Variants in GMDS observed in about 807,000 individuals in gnomAD.
The protein encoded by GMDS is GDP-mannose 4,6 dehydratase.
In GMDS, 20 loss-of-function variants were observed where a neutral mutation model predicts 49.9. That is an observed-to-expected ratio of 0.40 (90% confidence interval 0.28 to 0.58). The LOEUF (loss-of-function observed/expected upper bound fraction) is 0.58. Ranked by LOEUF, GMDS falls within the 20% of genes least tolerant of loss-of-function variation. The probability of loss-of-function intolerance (pLI) is 0.42; values close to 1 mark genes in which losing one functional copy is unlikely to be tolerated. For missense variants in GMDS, 362 were observed against 481.4 expected (o/e 0.75, Z 2.32); for synonymous variants, 177 against 178.6 (o/e 0.99, Z 0.07).
intron 7 of GMDS, among the ~76,000 whole-genome samples, chr6:1,869,931 G>A (rs1186035457): frequency 6.6e-6 from 1 of 152,234 alleles, no homozygotes; most frequent in Non-Finnish European, 1.5e-5. Flanking sequence ...AGCCCTGCAT[G>A]CCTGGAGGGG....
At chr6:1,922,827 G>A (rs888459433) in intron 7 of GMDS, among the ~76,000 whole-genome samples, 3 of 152,118 alleles carry the variant, frequency 2.0e-5, no homozygotes, top group African/African-American at 2.4e-5. Flanking sequence ...AGCCATTTCC[G>A]TTGCTAAATA....
chr6:1,933,138 G>C (rs532239929), intron 6 of GMDS, among the ~76,000 whole-genome samples: 26 of 152,228 alleles, frequency 1.7e-4, no homozygotes, highest in African/African-American at 6.3e-4. Context: ...ATTAATGTCT[G>C]GTCTTTGTTT....
intron 9 of GMDS, among the ~76,000 whole-genome samples, chr6:1,683,911 G>A: frequency 6.6e-6 from 1 of 151,880 alleles, no homozygotes; most frequent in East Asian, 1.9e-4. Context: ...GGTGGGTTTT[G>A]CGATCGGTAG....
At chr6:1,879,011 A>G (rs144495701) in intron 7 of GMDS, among the ~76,000 whole-genome samples, 102 of 152,278 alleles carry the variant, frequency 6.7e-4, no homozygotes, top group African/African-American at 2.4e-3. Context: ...TGCTGTATTC[A>G]TCCTGTTGTC....
At position 1,681,769 on chromosome 6, in the gene GMDS, A is replaced by C. The variant is rs148151738; in HGVS notation, c.987+44647T>G. ...GAGTGCAGTGGCACGATCACAGCTCACTGCAGTTTTGACCTCCCTGCACGC... is the reference window on the plus strand; with the variant it reads ...GAGTGCAGTGGCACGATCACAGCTCCCTGCAGTTTTGACCTCCCTGCACGC... On this transcript the variant is annotated intron_variant, in intron 9 of 10. Coordinates refer to ENST00000380815, the MANE Select transcript of GMDS (RefSeq NM_001500.4). Among the ~76,000 whole-genome samples, 4 of 152,370 alleles carry C rather than the reference A, an allele frequency of 2.6e-5. No individual in the cohort carries two copies. The East Asian group carries it at 7.7e-4, about 29-fold the overall frequency.
rs758681839 is a variant in GMDS at position 1,624,454 on chromosome 6, GC to G, written c.1056+17del. 2.5e-6 allele frequency: 4 copies of G among 1,607,508 alleles called. No individual in the cohort carries two copies. The highest frequency in any genetic ancestry group is 2.7e-5 in the African/African-American group (2 of 74,792). ...CGGGGCCCCGCAGCGGGCGGCGTGC[GC>G]CCTAAGAGATACTCACATCGAAAGC... is the stretch of plus-strand genomic sequence containing the variant. On this transcript the variant is annotated intron_variant, in intron 10 of 10. Transcript: ENST00000380815.
At chr6:2,221,378 T>A (rs1482823321) in intron 1 of GMDS, among the ~76,000 whole-genome samples, 2 of 151,444 alleles carry the variant, frequency 1.3e-5, no homozygotes, top group Non-Finnish European at 1.5e-5. Context: ...TAGTGTCATC[T>A]AAAATGTTCT....
chr6:2,065,647 G>A (rs568624510), intron 4 of GMDS, among the ~76,000 whole-genome samples: 47 of 151,938 alleles, frequency 3.1e-4, no homozygotes, highest in East Asian at 2.1e-3. Flanking sequence ...GAGCTGATGC[G>A]ATCAACTGGA....
rs140387969 is a variant in GMDS at position 2,088,161 on chromosome 6, T to C, written c.345+27610A>G. 4.9e-3 allele frequency among the ~76,000 whole-genome samples: 739 copies of C among 152,188 alleles called. 9 individuals are homozygous for C. The highest frequency in any genetic ancestry group is 0.017 in the African/African-American group (701 of 41,516). ...ACAGATTTTACAAACAAGAATGTTA[T>C]GGAAGAAAACAGTCAGTGTTTTGCT... On this transcript the variant is annotated intron_variant, in intron 4 of 10. Coordinates refer to ENST00000380815, the MANE Select transcript of GMDS (RefSeq NM_001500.4).
At chr6:1,821,362 G>A (rs1020016352) in intron 7 of GMDS, among the ~76,000 whole-genome samples, 8 of 152,090 alleles carry the variant, frequency 5.3e-5, no homozygotes, top group South Asian at 2.1e-4. Flanking sequence ...CAGGGGAGCC[G>A]CGGCTGGTGG....
At chr6:2,200,012 A>T (rs1308726750) in intron 1 of GMDS, among the ~76,000 whole-genome samples, 1 of 152,244 alleles carries the variant, frequency 6.6e-6, no homozygotes, top group East Asian at 1.9e-4. Context: ...TATACATATG[A>T]ACACTGTGAT....
chr6:2,185,464 T>C (rs1021140721), intron 1 of GMDS, among the ~76,000 whole-genome samples: 5 of 152,226 alleles, frequency 3.3e-5, no homozygotes, highest in South Asian at 2.1e-4. Flanking sequence ...TTGGTACACA[T>C]TGAGATACCA....
Position 1,795,950 on chromosome 6 carries a change from C to T in GMDS, c.772-53364G>A, listed in dbSNP as rs1020360563. Among the ~76,000 whole-genome samples, 7 of 152,162 alleles carry T rather than the reference C, an allele frequency of 4.6e-5. No homozygotes were observed. The East Asian group carries it at 1.2e-3, about 25-fold the overall frequency. ...AGTGAGGCCAGAGATGGGGGGAAGG[C>T]GGGGACTGGCCAGTTCTCTTCTCTC... On this transcript the variant is annotated intron_variant, in intron 7 of 10. Transcript: ENST00000380815.
intron 4 of GMDS, among the ~76,000 whole-genome samples, chr6:2,029,794 A>G (rs1768837102): frequency 6.6e-6 from 1 of 152,180 alleles, no homozygotes; most frequent in African/African-American, 2.4e-5. Flanking sequence ...TTTATTTAAA[A>G]TTTTGACATC....
intron 1 of GMDS, among the ~76,000 whole-genome samples, chr6:2,200,480 G>A (rs568814601): frequency 7.2e-6 from 1 of 139,390 alleles, no homozygotes; most frequent in African/African-American, 2.7e-5. Flanking sequence ...AGGATGAAGA[G>A]AGAGCACCAC....
At chr6:1,873,127 C>T (rs929291878) in intron 7 of GMDS, among the ~76,000 whole-genome samples, 1 of 152,190 alleles carries the variant, frequency 6.6e-6, no homozygotes, top group Non-Finnish European at 1.5e-5. Context: ...TTAAAGGCAA[C>T]GTGAAGCTAT....
At chr6:2,187,479 C>T (rs924589162) in intron 1 of GMDS, among the ~76,000 whole-genome samples, 1 of 152,106 alleles carries the variant, frequency 6.6e-6, no homozygotes, top group South Asian at 2.1e-4. Flanking sequence ...GGAAGAAACA[C>T]AAAAATGCCT....
intron 1 of GMDS, among the ~76,000 whole-genome samples, chr6:2,144,634 T>C (rs534791522): frequency 6.6e-6 from 1 of 152,298 alleles, no homozygotes; most frequent in South Asian, 2.1e-4. Context: ...CTCAAAGGCA[T>C]GCTCCTGGCT....
At chr6:2,203,423 TGA>T (rs1188603461) in intron 1 of GMDS, among the ~76,000 whole-genome samples, 2 of 152,208 alleles carry the variant, frequency 1.3e-5, no homozygotes, top group African/African-American at 4.8e-5. Context: ...AGTCAGCAGC[TGA>T]GAGTCTTGTA....
Sources: gnomAD v4.1 joint callset for allele counts (sites outside exome capture counted in the v4.1 genomes callset) on GRCh38, gnomAD v4.1.1 for gene constraint, MANE v1.5 for transcripts, NCBI Gene and HGNC (gene_info 2026-07-23, HGNC 2026-07-21) for gene names.